Variants in HACE1 observed in about 807,000 individuals in gnomAD.
The protein encoded by HACE1 is E3 ubiquitin-protein ligase HACE1.
HACE1 carries 73 observed loss-of-function variants against 118.4 expected under a neutral mutation model. That is an observed-to-expected ratio of 0.62 (90% CI 0.51 to 0.75). The LOEUF is 0.75. Among genes scored for constraint, HACE1 ranks in the 30% least tolerant of loss-of-function variants. The probability of loss-of-function intolerance (pLI) is 0.00; values close to 1 mark genes in which losing one functional copy is unlikely to be tolerated. For missense variants in HACE1, 749 were observed against 1,102.2 expected (o/e 0.68, Z 4.54); for synonymous variants, 368 against 374.8 (o/e 0.98, Z 0.21).
Position 104,796,907 on chromosome 6 carries a change from A to C in HACE1, c.714+22T>G, listed in dbSNP as rs776328765. 2.3e-6 allele frequency: 3 copies of C among 1,329,196 alleles called. No individual in the cohort carries two copies. In the Admixed American group the frequency reaches 5.0e-5, roughly 22 times the overall value. The allele number at this position is 1,329,196 out of a possible 1,614,324, so 82.3% of individuals were successfully genotyped here. A position where few individuals can be genotyped will look rare whatever the true frequency, so the allele number is the denominator to read the frequency against. On this transcript the variant is annotated intron_variant, in intron 8 of 23. Transcript: ENST00000262903. ...TTTCTATTATAAAGATAAGGGGCTC[A>C]GAATATAAATGAAAAACACACCTGT...
intron 5 of HACE1, among the ~76,000 whole-genome samples, chr6:104,833,788 C>T (rs1461093662): frequency 6.6e-6 from 1 of 152,018 alleles, no homozygotes; most frequent in Non-Finnish European, 1.5e-5. Context: ...AGATCAAGAC[C>T]ATCTTGGCCG....
intron 6 of HACE1, among the ~76,000 whole-genome samples, chr6:104,816,242 T>C (rs1435151606): frequency 6.6e-6 from 1 of 152,172 alleles, no homozygotes; most frequent in Non-Finnish European, 1.5e-5. Flanking sequence ...GAAAAATGTC[T>C]CCAGGGCATG....
chr6:104,763,331 T>C (rs1391441547), intron 19 of HACE1, among the ~76,000 whole-genome samples: 1 of 152,144 alleles, frequency 6.6e-6, no homozygotes, highest in Non-Finnish European at 1.5e-5. Context: ...TCCAAAATGC[T>C]TGGGACCAGA....
intron 6 of HACE1, among the ~76,000 whole-genome samples, chr6:104,817,599 A>C (rs1772254773): frequency 6.6e-6 from 1 of 152,208 alleles, no homozygotes; most frequent in African/African-American, 2.4e-5. Flanking sequence ...AATATAGAGG[A>C]GAAAGAAAGA....
At position 104,755,458 on chromosome 6, in the gene HACE1, G is replaced by A. The variant is rs556276872; in HGVS notation, c.2212-4986C>T. Among the ~76,000 whole-genome samples the A allele has an allele frequency of 3.9e-5, 6 of 152,198 alleles. No individual in the cohort carries two copies. The South Asian group carries it at 1.2e-3, about 32-fold the overall frequency. On this transcript the variant is annotated intron_variant, in intron 19 of 23. Transcript: ENST00000262903. ...ATAGATATCTACAGAACTTCCCACCGAAATTCAACAGAATATACATTCTTC... is the reference window on the plus strand; with the variant it reads ...ATAGATATCTACAGAACTTCCCACCAAAATTCAACAGAATATACATTCTTC...
At chr6:104,847,290 T>C (rs1775753691) in intron 4 of HACE1, among the ~76,000 whole-genome samples, 1 of 152,194 alleles carries the variant, frequency 6.6e-6, no homozygotes, top group Non-Finnish European at 1.5e-5. Context: ...CAGAGTACTA[T>C]GATATTTTTC....
intron 1 of HACE1, among the ~76,000 whole-genome samples, chr6:104,853,237 C>A (rs557691462): frequency 6.6e-6 from 1 of 152,320 alleles, no homozygotes; most frequent in Non-Finnish European, 1.5e-5. Flanking sequence ...TGTTGGACTT[C>A]CCAGCTTCCA....
At chr6:104,772,102 T>TATTCTTAATAA (rs765757479) in intron 17 of HACE1, 28 bp from the exon 18 acceptor site, 62 of 1,247,564 alleles carry the variant, frequency 5.0e-5, no homozygotes, top group Non-Finnish European at 6.9e-5. Context: ...AAATAATATA[T>TATTCTTAATAA]TATTAAGAAT....
intron 17 of HACE1, among the ~76,000 whole-genome samples, chr6:104,775,798 T>C (rs946704491): frequency 6.6e-6 from 1 of 152,206 alleles, no homozygotes; most frequent in African/African-American, 2.4e-5. Flanking sequence ...TACTCCCACT[T>C]GCCTCCCCTA....
chr6:104,825,138 C>G (rs1301026088), intron 6 of HACE1, among the ~76,000 whole-genome samples: 1 of 151,044 alleles, frequency 6.6e-6, no homozygotes, highest in Non-Finnish European at 1.5e-5. Flanking sequence ...ATATATGGAT[C>G]AAAATGATCC....
chr6:104,850,914 C>T lies in HACE1; in HGVS notation c.214G>A (p.Ala72Thr). 2.5e-6 allele frequency: 4 copies of T among 1,589,156 alleles called. No homozygotes were observed. Among genetic ancestry groups the T allele is most frequent in the Non-Finnish European group, 3.5e-6 (4 of 1,157,184 alleles). ...AAATATCTTTAGTCTTACTTTGCTGCAATGTGAAGCAAGCTTCTTTTCACA... is the reference window on the plus strand; with the variant it reads ...AAATATCTTTAGTCTTACTTTGCTGTAATGTGAAGCAAGCTTCTTTTCACA... ...GRVKRSLLHI[A>T]ANCGSVECLV... Residue 72 changes from alanine to threonine, a missense_variant, in exon 3 of 24, where the codon GCA (alanine) becomes ACA (threonine). Around this residue, in one of 5 missense-constraint regions of HACE1, gnomAD observed 120 missense variants for 219.1 expected, o/e 0.55. Coordinates refer to ENST00000262903, the MANE Select transcript of HACE1 (RefSeq NM_020771.4).
chr6:104,826,067 A>T (rs1322534136), intron 6 of HACE1, among the ~76,000 whole-genome samples: 1 of 152,122 alleles, frequency 6.6e-6, no homozygotes, highest in Non-Finnish European at 1.5e-5. Flanking sequence ...AGGAGCATGA[A>T]CTCTGTTGTA....
At chr6:104,738,117 A>G (rs1776147473) in intron 22 of HACE1, among the ~76,000 whole-genome samples, 1 of 151,688 alleles carries the variant, frequency 6.6e-6, no homozygotes, top group Non-Finnish European at 1.5e-5. Flanking sequence ...CCTGTCTGTT[A>G]GAAGGAAAAC....
chr6:104,837,041 CTCAA>C (rs1328736060), intron 5 of HACE1, among the ~76,000 whole-genome samples: 9 of 152,166 alleles, frequency 5.9e-5, no homozygotes, highest in Non-Finnish European at 1.2e-4. Context: ...GATTAAAAGA[CTCAA>C]TCAACACAGT....
At chr6:104,848,261 T>A (rs1447720755) in intron 4 of HACE1, among the ~76,000 whole-genome samples, 1 of 150,312 alleles carries the variant, frequency 6.7e-6, no homozygotes, top group African/African-American at 2.4e-5. Flanking sequence ...ATCGAGACCA[T>A]CCTGGCCAAC....
At chr6:104,784,277 T>C in intron 13 of HACE1, 104 bp from the exon 14 acceptor site, 1 of 866,326 alleles carries the variant, frequency 1.2e-6, no homozygotes, top group Non-Finnish European at 2.0e-6. Flanking sequence ...AAACACATAA[T>C]AATCCATATC....
intron 5 of HACE1, among the ~76,000 whole-genome samples, chr6:104,833,459 C>T (rs1490018783): frequency 1.3e-5 from 2 of 152,046 alleles, no homozygotes; most frequent in Admixed American, 6.6e-5. Context: ...GATCCTCTTG[C>T]CTCAGCCTCC....
chr6:104,784,326 G>A (rs886517091), intron 13 of HACE1, 91 bp downstream of exon 13: 1 of 947,122 alleles, frequency 1.1e-6, no homozygotes, highest in Non-Finnish European at 1.7e-6. Context: ...ATTTTGAATA[G>A]TACGAGAAAT....
intron 7 of HACE1, among the ~76,000 whole-genome samples, chr6:104,809,944 G>C (rs1582588735): frequency 6.6e-6 from 1 of 151,922 alleles, no homozygotes; most frequent in East Asian, 1.9e-4. Context: ...GGTTTCTATT[G>C]ATTAAGATGA....
Sources: allele counts gnomAD v4.1 joint callset (sites outside exome capture counted in the v4.1 genomes callset), GRCh38; gene constraint gnomAD v4.1.1; regional missense constraint gnomAD v4.1.1; transcripts MANE v1.5; gene names NCBI Gene and HGNC (gene_info 2026-07-23, HGNC 2026-07-21).